MMP16: variants seen among roughly 807,000 people sequenced by gnomAD.
MMP16 encodes matrix metalloproteinase-16.
MMP16 carries 12 observed loss-of-function variants against 67.8 expected under a neutral mutation model. That is an observed-to-expected ratio of 0.18 (90% CI 0.11 to 0.29). The LOEUF (loss-of-function observed/expected upper bound fraction) is 0.29, where lower values mean the gene tolerates loss of function less well. Ranked by LOEUF, MMP16 falls within the 10% of genes least tolerant of loss-of-function variation. MMP16 has a pLI of 1.00. For missense variants in MMP16, 475 were observed against 765.7 expected (o/e 0.62, Z 4.48); for synonymous variants, 249 against 255.9 (o/e 0.97, Z 0.26).
At chr8:88,210,011 C>T (rs1809488425) in intron 1 of MMP16, among the ~76,000 whole-genome samples, 1 of 152,098 alleles carries the variant, frequency 6.6e-6, no homozygotes, top group African/African-American at 2.4e-5. Context: ...CCTCAGAGAG[C>T]TCTCTATCCC....
intron 1 of MMP16, among the ~76,000 whole-genome samples, chr8:88,255,338 G>T (rs954868073): frequency 2.0e-5 from 3 of 152,080 alleles, no homozygotes; most frequent in African/African-American, 7.2e-5. Flanking sequence ...TGAGGCCCTC[G>T]CCAGAAGCAG....
At position 88,100,443 on chromosome 8, in the gene MMP16, G is replaced by C. The variant is rs962190705; in HGVS notation, c.1083+16064C>G. ...CACAATGAGATACCATCTCACACCA[G>C]TTAGAATGGCGATCATTAAAAAGTC... On this transcript the variant is annotated intron_variant, in intron 6 of 9. Transcript: ENST00000286614. Among the ~76,000 whole-genome samples the C allele has an allele frequency of 4.6e-5, 7 of 151,976 alleles. No homozygotes were observed. In the South Asian group the frequency reaches 1.0e-3, roughly 22 times the overall value.
rs918310468 is a variant in MMP16 at position 88,199,342 on chromosome 8, T to C, written c.133-2036A>G. ...GTTTTAAAATAATGTAAAAAATGAA[T>C]TGAGATTTTTCTTCAAGTTTTCTTT... is the stretch of plus-strand genomic sequence containing the variant. On this transcript the variant is annotated intron_variant, in intron 1 of 9. Transcript: ENST00000286614. Among the ~76,000 whole-genome samples the C allele has an allele frequency of 7.2e-5, 11 of 152,024 alleles. 1 individual carries two copies. Among genetic ancestry groups the C allele is most frequent in the Admixed American group, 6.5e-4 (10 of 15,270 alleles).
At chr8:88,063,483 T>G (rs1051509232) in intron 7 of MMP16, among the ~76,000 whole-genome samples, 1 of 78,794 alleles carries the variant, frequency 1.3e-5, no homozygotes, top group Non-Finnish European at 2.7e-5. Context: ...CCTAATAACC[T>G]TTTTTTTTTT....
intron 4 of MMP16, among the ~76,000 whole-genome samples, chr8:88,127,488 T>C (rs1168617786): frequency 2.0e-5 from 3 of 151,908 alleles, no homozygotes; most frequent in Middle Eastern, 3.4e-3. Context: ...TTTGAAATCA[T>C]TTTTTGAATT....
chr8:88,040,309 A>G lies in MMP16; in HGVS notation c.*1152T>C, dbSNP rs1367533219. The G allele has an allele frequency of 6.6e-6, 1 of 152,616 alleles. No homozygotes were observed. The highest frequency in any genetic ancestry group is 2.4e-5 in the African/African-American group (1 of 41,446). The allele number at this position is 152,616 out of a possible 1,614,324, so 9.5% of individuals were successfully genotyped here. ...GTCTTGTAAATCATTTAAAAATTAT[A>G]TGACATTATAGGATATCTGTTTTAA... On this transcript the variant is annotated 3_prime_UTR_variant, in exon 10 of 10. Coordinates refer to ENST00000286614, the MANE Select transcript of MMP16 (RefSeq NM_005941.5).
At chr8:88,076,946 C>T (rs1808661414) in intron 6 of MMP16, among the ~76,000 whole-genome samples, 1 of 152,116 alleles carries the variant, frequency 6.6e-6, no homozygotes, top group Non-Finnish European at 1.5e-5. Context: ...CTTCCCATTG[C>T]TATAATCTCA....
At chr8:88,213,089 AGAT>A (rs1809536323) in intron 1 of MMP16, among the ~76,000 whole-genome samples, 1 of 152,176 alleles carries the variant, frequency 6.6e-6, no homozygotes, top group Non-Finnish European at 1.5e-5. Context: ...AAATTTTAAA[AGAT>A]GGCCTAAAAC....
At chr8:88,064,269 CAG>C (rs1442527828) in intron 7 of MMP16, among the ~76,000 whole-genome samples, 2 of 152,106 alleles carry the variant, frequency 1.3e-5, no homozygotes, top group Non-Finnish European at 2.9e-5. Context: ...CTTCATAACA[CAG>C]AAGTCTGTGC....
intron 8 of MMP16, among the ~76,000 whole-genome samples, chr8:88,055,638 C>G (rs1478300335): frequency 1.3e-5 from 2 of 151,996 alleles, no homozygotes; most frequent in Non-Finnish European, 2.9e-5. Context: ...AGTAATTAGC[C>G]CAGTGATAGT....
chr8:88,102,016 T>G (rs561994050), intron 6 of MMP16, among the ~76,000 whole-genome samples: 2 of 151,932 alleles, frequency 1.3e-5, no homozygotes, highest in African/African-American at 4.8e-5. Context: ...GAGCTGCTCT[T>G]TTGTCCTTAT....
At chr8:88,084,481 A>G (rs967341033) in intron 6 of MMP16, among the ~76,000 whole-genome samples, 13 of 152,010 alleles carry the variant, frequency 8.6e-5, no homozygotes, top group African/African-American at 3.1e-4. Context: ...AAAAAAGAAA[A>G]GAGGCTGGAA....
intron 6 of MMP16, among the ~76,000 whole-genome samples, chr8:88,104,376 A>C (rs1319770000): frequency 6.6e-6 from 1 of 151,544 alleles, no homozygotes; most frequent in Non-Finnish European, 1.5e-5. Context: ...ATTCTATTCC[A>C]TTGAGTTGGT....
At chr8:88,285,561 T>G (rs1197315388) in intron 1 of MMP16, among the ~76,000 whole-genome samples, 1 of 152,204 alleles carries the variant, frequency 6.6e-6, no homozygotes, top group African/African-American at 2.4e-5. Flanking sequence ...AGATGAGCTA[T>G]TTCTTCTTCC....
chr8:88,277,108 CAT>C (rs1468949002), intron 1 of MMP16, among the ~76,000 whole-genome samples: 2 of 152,012 alleles, frequency 1.3e-5, no homozygotes, highest in Admixed American at 6.6e-5. Flanking sequence ...GTGAAAATAA[CAT>C]ATGCAATACA....
chr8:88,090,849 A>G (rs915040002), intron 6 of MMP16, among the ~76,000 whole-genome samples: 1 of 151,898 alleles, frequency 6.6e-6, no homozygotes, highest in African/African-American at 2.4e-5. Flanking sequence ...TCCAATGTAT[A>G]GAAAAATAAC....
chr8:88,087,357 A>G (rs919001899), intron 6 of MMP16, among the ~76,000 whole-genome samples: 1 of 151,878 alleles, frequency 6.6e-6, no homozygotes, highest in Admixed American at 6.6e-5. Flanking sequence ...CTATTCCCCC[A>G]AAGACTTCTT....
At chr8:88,247,913 C>T (rs1259642043) in intron 1 of MMP16, among the ~76,000 whole-genome samples, 2 of 151,942 alleles carry the variant, frequency 1.3e-5, no homozygotes, top group African/African-American at 2.4e-5. Flanking sequence ...GGTTGTCAAA[C>T]GTTGTTGCAC....
In MMP16 at chr8:88,033,409, ATAATGT is replaced by A; in HGVS notation, c.*8046_*8051del. ...ATACTGATCCACCGCTGGAATCAAG[ATAATGT>A]TAATAAAGGTATACACGTTTTAAAA... is the stretch of plus-strand genomic sequence containing the variant. On this transcript the variant is annotated 3_prime_UTR_variant, in exon 10 of 10. Transcript: ENST00000286614. 1 of 151,608 alleles carries A rather than the reference ATAATGT, an allele frequency of 6.6e-6. No individual in the cohort carries two copies. The highest frequency in any genetic ancestry group is 1.9e-4 in the East Asian group (1 of 5,170). The allele number at this position is 151,608 out of a possible 1,614,324, so 9.4% of individuals were successfully genotyped here. A position where few individuals can be genotyped will look rare whatever the true frequency, so the allele number is the denominator to read the frequency against.
Sources: gnomAD v4.1 joint callset for allele counts (sites outside exome capture counted in the v4.1 genomes callset) on GRCh38, gnomAD v4.1.1 for gene constraint, MANE v1.5 for transcripts, NCBI Gene and HGNC (gene_info 2026-07-23, HGNC 2026-07-21) for gene names.